Variants in THADA observed in about 807,000 individuals in gnomAD.
THADA encodes the protein THADA armadillo repeat containing, also known as tRNA (32-2'-O)-methyltransferase regulator THADA.
A neutral mutation model predicts 219.8 loss-of-function variants in THADA; 213 were observed. The ratio of observed to expected loss-of-function variants is 0.97; its 90% confidence interval spans 0.87 to 1.09. The LOEUF is 1.09. Ranked by LOEUF, THADA falls within the 50% of genes least tolerant of loss-of-function variation. The pLI, the probability that THADA is intolerant of heterozygous loss-of-function variation, is 0.00. For synonymous variants in THADA, 1,018 were observed against 828.9 expected (o/e 1.23, Z -3.92); for missense variants, 2,956 against 2,311.3 (o/e 1.28, Z -5.72).
At chr2:43,537,939 C>CAAA (rs1196698525) in intron 21 of THADA, among the ~76,000 whole-genome samples, 3 of 60,488 alleles carry the variant, frequency 5.0e-5, no homozygotes, top group Non-Finnish European at 1.1e-4. Flanking sequence ...GACCCAGACT[C>CAAA]AAAAAAAAAA....
chr2:43,314,548 T>C (rs940985967), intron 31 of THADA, among the ~76,000 whole-genome samples: 3 of 152,214 alleles, frequency 2.0e-5, no homozygotes, highest in Non-Finnish European at 4.4e-5. Flanking sequence ...AAGTCTTAGA[T>C]AGTATTTCTG....
chr2:43,368,031 T>C (rs1469944772), intron 29 of THADA, among the ~76,000 whole-genome samples: 1 of 151,976 alleles, frequency 6.6e-6, no homozygotes. Context: ...GGCAGGAGAA[T>C]CACTTGAACC....
intron 13 of THADA, among the ~76,000 whole-genome samples, chr2:43,570,862 T>C (rs1003254502): frequency 1.3e-5 from 2 of 152,278 alleles, no homozygotes; most frequent in South Asian, 4.1e-4. Flanking sequence ...GCTTAAACTA[T>C]AAAAATGCTG....
At chr2:43,502,839 T>C (rs1689176015) in intron 24 of THADA, among the ~76,000 whole-genome samples, 1 of 151,920 alleles carries the variant, frequency 6.6e-6, no homozygotes, top group Non-Finnish European at 1.5e-5. Flanking sequence ...ATCAAGAAAA[T>C]ATTTTTGAAA....
intron 28 of THADA, among the ~76,000 whole-genome samples, chr2:43,427,246 C>T (rs1381610936): frequency 6.6e-6 from 1 of 152,272 alleles, no homozygotes; most frequent in East Asian, 1.9e-4. Context: ...ACAGAAGATA[C>T]ATACCAGAAC....
At chr2:43,497,688 C>T (rs765380306) in intron 25 of THADA, among the ~76,000 whole-genome samples, 4 of 152,256 alleles carry the variant, frequency 2.6e-5, no homozygotes, top group Non-Finnish European at 5.9e-5. Flanking sequence ...AGTTCGAGAC[C>T]AGCCTGGCTA....
rs1241754852 is a variant in THADA at position 43,278,855 on chromosome 2, GCCT to G, written c.5296+907_5296+909del. Among the ~76,000 whole-genome samples, 4 of 152,120 alleles carry G rather than the reference GCCT, an allele frequency of 2.6e-5. 1 individual carries two copies. The highest frequency in any genetic ancestry group is 2.0e-4 in the Admixed American group (3 of 15,264). On this transcript the variant is annotated intron_variant, in intron 36 of 37. Coordinates refer to ENST00000405975, the MANE Select transcript of THADA (RefSeq NM_022065.5). Reference sequence around the variant, plus strand: ...TGCATCAATTACAAAGGCTTATCTGGCCTCCTTTTCTCTCATTCTGCTGTCTAT... The same window carrying G: ...TGCATCAATTACAAAGGCTTATCTGGCCTTTTCTCTCATTCTGCTGTCTAT...
chr2:43,487,987 C>T (rs1409645330), intron 25 of THADA, among the ~76,000 whole-genome samples: 2 of 152,188 alleles, frequency 1.3e-5, no homozygotes, highest in African/African-American at 4.8e-5. Flanking sequence ...AGGCCTTCTG[C>T]ATTAATCATT....
chr2:43,306,298 T>C (rs1676854341), intron 31 of THADA, among the ~76,000 whole-genome samples: 1 of 152,146 alleles, frequency 6.6e-6, no homozygotes, highest in Admixed American at 6.5e-5. Flanking sequence ...AGGTGTGAGG[T>C]ACTGCGCTCG....
chr2:43,352,049 TCTAA>T (rs1230231625), intron 29 of THADA, among the ~76,000 whole-genome samples: 1 of 152,216 alleles, frequency 6.6e-6, no homozygotes, highest in Non-Finnish European at 1.5e-5. Flanking sequence ...TAATACCTGC[TCTAA>T]CTAAAAAGCT....
At chr2:43,330,225 G>A (rs1679804951) in intron 30 of THADA, among the ~76,000 whole-genome samples, 2 of 152,182 alleles carry the variant, frequency 1.3e-5, no homozygotes, top group African/African-American at 4.8e-5. Flanking sequence ...CAGAGCCTGC[G>A]GACTGGTGAG....
intron 26 of THADA, among the ~76,000 whole-genome samples, chr2:43,464,355 A>C (rs1185240234): frequency 6.6e-6 from 1 of 152,236 alleles, no homozygotes; most frequent in Admixed American, 6.5e-5. Flanking sequence ...TAGAAGGAAA[A>C]ACAAGTTTTA....
At chr2:43,483,463 G>C (rs1025097648) in intron 26 of THADA, among the ~76,000 whole-genome samples, 2 of 152,194 alleles carry the variant, frequency 1.3e-5, no homozygotes, top group Admixed American at 6.5e-5. Flanking sequence ...ACAGGGAACA[G>C]AAGCCTTGTA....
chr2:43,422,297 G>A (rs1307550636), intron 28 of THADA, among the ~76,000 whole-genome samples: 1 of 152,176 alleles, frequency 6.6e-6, no homozygotes, highest in East Asian at 1.9e-4. Context: ...AGTCTCTCAA[G>A]TATATAAAGA....
intron 23 of THADA, among the ~76,000 whole-genome samples, chr2:43,505,972 C>T (rs1245054852): frequency 1.3e-5 from 2 of 152,194 alleles, no homozygotes; most frequent in African/African-American, 4.8e-5. Context: ...AGGTCACTTC[C>T]ACTTTGCTCA....
At chr2:43,239,325 G>A (rs1450978507) in intron 36 of THADA, among the ~76,000 whole-genome samples, 2 of 152,188 alleles carry the variant, frequency 1.3e-5, no homozygotes, top group South Asian at 2.1e-4. Flanking sequence ...ACTCCCTGGT[G>A]CTTCTTCTCT....
intron 25 of THADA, among the ~76,000 whole-genome samples, chr2:43,494,815 G>C (rs13431070): frequency 6.6e-6 from 1 of 152,026 alleles, no homozygotes; most frequent in South Asian, 2.1e-4. Flanking sequence ...TATATTTTAA[G>C]AATGCCTACT....
chr2:43,388,715 G>A (rs369671257), intron 29 of THADA, among the ~76,000 whole-genome samples: 2 of 152,282 alleles, frequency 1.3e-5, no homozygotes, highest in African/African-American at 4.8e-5. Flanking sequence ...AGAACACAGT[G>A]ACTGACCGGA....
rs781353623 is a variant in THADA, at chr2:43,581,786, T to G, written c.676A>C (p.Asn226His). 6.2e-7 allele frequency: 1 copy of G among 1,612,570 alleles called. No homozygotes were observed. The highest frequency in any genetic ancestry group is 2.2e-5 in the East Asian group (1 of 44,836). ...WKTSDSPIWQ[N>H]MCGLLSIFTK... Reference sequence around the variant, plus strand: ...AAAATACTCAGCAATCCACACATATTTTGCCATATGGGAGAATCGGAAGTC... The same window carrying G: ...AAAATACTCAGCAATCCACACATATGTTGCCATATGGGAGAATCGGAAGTC... The change falls in exon 8 of 38, where the codon AAT becomes CAT. Residue 226 changes from asparagine to histidine, a missense_variant. Asn to His is a moderately conservative substitution (Grantham distance 68). Transcript: ENST00000405975.
Sources: gnomAD v4.1 joint callset for allele counts (sites outside exome capture counted in the v4.1 genomes callset) on GRCh38, gnomAD v4.1.1 for gene constraint, MANE v1.5 for transcripts, NCBI Gene and HGNC (gene_info 2026-07-23, HGNC 2026-07-21) for gene names.